PDE11A: variants seen among roughly 807,000 people sequenced by gnomAD.
The protein encoded by PDE11A is dual 3',5'-cyclic-AMP and -GMP phosphodiesterase 11A.
A neutral mutation model predicts 100.5 loss-of-function variants in PDE11A; 100 were observed. The ratio of observed to expected loss-of-function variants is 1.00; its 90% CI spans 0.85 to 1.18. The LOEUF (loss-of-function observed/expected upper bound fraction) is 1.18. PDE11A is among the 50% of genes most tolerant of loss of function. PDE11A has a pLI of 0.00. For synonymous variants in PDE11A, 381 were observed against 420.8 expected (o/e 0.91, Z 1.16); for missense variants, 1,141 against 1,152.6 (o/e 0.99, Z 0.15).
Position 178,072,507 on chromosome 2 carries a change from G to A in PDE11A, c.-70C>T, listed in dbSNP as rs886803608. The A allele has an allele frequency of 6.3e-7, 1 of 1,596,084 alleles. No individual in the cohort carries two copies. Among genetic ancestry groups the A allele is most frequent in the Non-Finnish European group, 8.5e-7 (1 of 1,175,700 alleles). On this transcript the variant is annotated 5_prime_UTR_variant, in exon 1 of 20. Coordinates refer to ENST00000286063, the MANE Select transcript of PDE11A (RefSeq NM_016953.4). ...TTTTCCTGCCCCGAGGCCTCTAGCT[G>A]TTCCTGCACATGTTCACCCCCACCA... is the stretch of plus-strand genomic sequence containing the variant.
In PDE11A at chr2:177,629,191, TCCTGGGGTGTGCTC is replaced by T; in HGVS notation, c.*202_*215del. On this transcript the variant is annotated 3_prime_UTR_variant, in exon 20 of 20. Coordinates refer to ENST00000286063, the MANE Select transcript of PDE11A (RefSeq NM_016953.4). ...CGTGTTCATTAGGGAAAAGTGAGGGTCCTGGGGTGTGCTCCCTGCCCCACCTCTTTCTTTGTCCT... is the reference window on the plus strand; with the variant it reads ...CGTGTTCATTAGGGAAAAGTGAGGGTCCTGCCCCACCTCTTTCTTTGTCCT... The T allele has an allele frequency of 1.7e-6, 1 of 601,836 alleles. No homozygotes were observed. The highest frequency in any genetic ancestry group is 1.9e-5 in the South Asian group (1 of 53,514). The allele number at this position is 601,836 out of a possible 1,614,324, so 37.3% of individuals were successfully genotyped here.
chr2:177,854,778 G>T (rs1412367632), intron 5 of PDE11A, among the ~76,000 whole-genome samples: 2 of 152,092 alleles, frequency 1.3e-5, no homozygotes, highest in South Asian at 2.1e-4. Context: ...CACCAGTCTT[G>T]TCTTCCATTG....
rs935211168 is a variant in PDE11A, at chr2:178,067,294, C to T, written c.912+4232G>A. ...TACCCAAAACACCACTTTGATCATGCTAAGATATTTTTAATGGCTCCCTGT... is the reference window on the plus strand; with the variant it reads ...TACCCAAAACACCACTTTGATCATGTTAAGATATTTTTAATGGCTCCCTGT... On this transcript the variant is annotated intron_variant, in intron 1 of 19. Coordinates refer to ENST00000286063, the MANE Select transcript of PDE11A (RefSeq NM_016953.4). 2.0e-5 allele frequency among the ~76,000 whole-genome samples: 3 copies of T among 152,178 alleles called. No homozygotes were observed. In the South Asian group the frequency reaches 6.2e-4, roughly 32 times the overall value.
chr2:177,775,585 C>T (rs982398521), intron 9 of PDE11A, among the ~76,000 whole-genome samples: 1 of 152,180 alleles, frequency 6.6e-6, no homozygotes, highest in Non-Finnish European at 1.5e-5. Context: ...ACTGTTGGCA[C>T]GTTCTCAAAC....
At chr2:177,863,979 T>C (rs1013905265) in intron 5 of PDE11A, among the ~76,000 whole-genome samples, 3 of 152,108 alleles carry the variant, frequency 2.0e-5, no homozygotes, top group South Asian at 4.1e-4. Flanking sequence ...TATTGAATAT[T>C]ATCAAGTGGT....
At chr2:177,638,076 T>C (rs1227128031) in intron 19 of PDE11A, among the ~76,000 whole-genome samples, 4 of 146,892 alleles carry the variant, frequency 2.7e-5, no homozygotes, top group Non-Finnish European at 5.9e-5. Flanking sequence ...CTCCGCTCAC[T>C]GCAAGCTCCG....
chr2:177,878,724 C>T (rs1259449895), intron 4 of PDE11A, among the ~76,000 whole-genome samples: 5 of 152,116 alleles, frequency 3.3e-5, no homozygotes, highest in Non-Finnish European at 5.9e-5. Flanking sequence ...GAGATTTGAA[C>T]CATGTTGTTC....
At chr2:177,663,520 T>G (rs2080517609) in intron 19 of PDE11A, among the ~76,000 whole-genome samples, 1 of 152,096 alleles carries the variant, frequency 6.6e-6, no homozygotes, top group South Asian at 2.1e-4. Context: ...GCCTGTGAGC[T>G]TTTTTTGAAC....
At chr2:177,668,891 G>T (rs1340470115) in intron 18 of PDE11A, among the ~76,000 whole-genome samples, 1 of 152,144 alleles carries the variant, frequency 6.6e-6, no homozygotes, top group Non-Finnish European at 1.5e-5. Flanking sequence ...CTCTTGAGGT[G>T]GTGACTGACG....
At chr2:178,010,614 A>G (rs972802466) in intron 2 of PDE11A, among the ~76,000 whole-genome samples, 1 of 152,234 alleles carries the variant, frequency 6.6e-6, no homozygotes, top group African/African-American at 2.4e-5. Flanking sequence ...CAAGATGTTC[A>G]TTCAAGGGCT....
chr2:177,695,661 T>C (rs1213486649), intron 15 of PDE11A, among the ~76,000 whole-genome samples: 1 of 152,152 alleles, frequency 6.6e-6, no homozygotes, highest in Non-Finnish European at 1.5e-5. Context: ...GCTCTTCATT[T>C]TATTTCTCCA....
intron 2 of PDE11A, among the ~76,000 whole-genome samples, chr2:177,984,286 A>G (rs1441880291): frequency 6.6e-6 from 1 of 152,240 alleles, no homozygotes; most frequent in Non-Finnish European, 1.5e-5. Context: ...AACAGATTGT[A>G]GCAACAGGGT....
rs375401009 is a variant in PDE11A, at chr2:177,977,770, G to A, written c.1071+36532C>T. On this transcript the variant is annotated intron_variant, in intron 2 of 19. Transcript: ENST00000286063. ...AGATCAATGGAACAGAAATAATGCC[G>A]CATATCTACAACTATCTGATCTTTG... Among the ~76,000 whole-genome samples the A allele has an allele frequency of 4.6e-3, 635 of 138,132 alleles. 6 individuals are homozygous for A. The highest frequency in any genetic ancestry group is 0.017 in the Middle Eastern group (5 of 292). The allele number at this position is 138,132 out of a possible 152,430, so 90.6% of individuals were successfully genotyped here.
intron 5 of PDE11A, among the ~76,000 whole-genome samples, chr2:177,842,898 C>T (rs939423669): frequency 6.6e-6 from 1 of 152,274 alleles, no homozygotes; most frequent in South Asian, 2.1e-4. Context: ...GAACAAAATC[C>T]TATCAGTCCT....
rs192819772 is a variant in PDE11A at position 177,793,822 on chromosome 2, G to C, written c.1737+23007C>G. ...TCCGGTGTCTAGTCAGTAGAAGGAT[G>C]GGGAGGGACTGGACCACTTTGGTTC... On this transcript the variant is annotated intron_variant, in intron 9 of 19. Coordinates refer to ENST00000286063, the MANE Select transcript of PDE11A (RefSeq NM_016953.4). Among the ~76,000 whole-genome samples, 73 of 152,290 alleles carry C rather than the reference G, an allele frequency of 4.8e-4. 2 individuals are homozygous for C. The highest frequency in any genetic ancestry group is 1.6e-3 in the African/African-American group (67 of 41,562).
Position 177,866,822 on chromosome 2 carries a change from A to G in PDE11A, c.1367+9037T>C, listed in dbSNP as rs545393823. On this transcript the variant is annotated intron_variant, in intron 5 of 19. Transcript: ENST00000286063. ...TGCTTGGGAAATACCAGTTTCATAC[A>G]ATCATGGTACTTAATAATAACCAAT... Among the ~76,000 whole-genome samples the G allele has an allele frequency of 2.6e-5, 4 of 152,364 alleles. No individual in the cohort carries two copies. In the South Asian group the frequency reaches 8.3e-4, roughly 32 times the overall value.
Position 177,626,061 on chromosome 2 carries a change from T to C in PDE11A, c.*3346A>G, listed in dbSNP as rs1244719327. On this transcript the variant is annotated 3_prime_UTR_variant, in exon 20 of 20. Transcript: ENST00000286063. ...GGCTCCACTGTATGGCAGATTGCAATGGTGTTGAACTCCCCTTGCTACCAG... is the reference window on the plus strand; with the variant it reads ...GGCTCCACTGTATGGCAGATTGCAACGGTGTTGAACTCCCCTTGCTACCAG... 6.6e-6 allele frequency: 1 copy of C among 152,474 alleles called. No homozygotes were observed. Among genetic ancestry groups the C allele is most frequent in the Admixed American group, 6.6e-5 (1 of 15,252 alleles). 9.4% of individuals were successfully genotyped at this position (152,474 alleles called of 1,614,324 possible). A position where few individuals can be genotyped will look rare whatever the true frequency, so the allele number is the denominator to read the frequency against.
intron 2 of PDE11A, among the ~76,000 whole-genome samples, chr2:178,078,285 C>T (rs187469853): frequency 1.3e-5 from 2 of 152,218 alleles, no homozygotes; most frequent in Admixed American, 1.3e-4. Context: ...TCCTATGTGT[C>T]CTGCTTCCAC....
At chr2:177,739,152 C>G (rs1457313828) in intron 10 of PDE11A, among the ~76,000 whole-genome samples, 1 of 152,222 alleles carries the variant, frequency 6.6e-6, no homozygotes, top group African/African-American at 2.4e-5. Context: ...GCAAAGGGAA[C>G]TGGAGGCTCA....
Sources: gnomAD v4.1 joint callset for allele counts (sites outside exome capture counted in the v4.1 genomes callset) on GRCh38, gnomAD v4.1.1 for gene constraint, MANE v1.5 for transcripts, NCBI Gene and HGNC (gene_info 2026-07-23, HGNC 2026-07-21) for gene names.